Variants in NYAP2 observed in about 807,000 individuals in gnomAD.
NYAP2 encodes the protein neuronal tyrosine-phosphorylated phosphoinositide-3-kinase adaptor 2.
A neutral mutation model predicts 50.4 loss-of-function variants in NYAP2; 23 were observed. The observed-to-expected ratio is 0.46, with a 90% CI of 0.33 to 0.65. The LOEUF (loss-of-function observed/expected upper bound fraction) is 0.65. NYAP2 is among the 30% of genes least tolerant of loss of function. The pLI is 0.02. For synonymous variants in NYAP2, 394 were observed against 365.2 expected (o/e 1.08, Z -0.90); for missense variants, 885 against 861.0 (o/e 1.03, Z -0.35).
intron 4 of NYAP2, among the ~76,000 whole-genome samples, chr2:225,517,841 C>A (rs753457408): frequency 6.6e-6 from 1 of 152,082 alleles, no homozygotes; most frequent in African/African-American, 2.4e-5. Context: ...GAAAGATAAG[C>A]ACTAGAGAGG....
intron 4 of NYAP2, among the ~76,000 whole-genome samples, chr2:225,528,499 C>T (rs1199623307): frequency 6.6e-6 from 1 of 152,138 alleles, no homozygotes; most frequent in Non-Finnish European, 1.5e-5. Flanking sequence ...GTCCAGCAGT[C>T]CTCAGGCCAA....
intron 4 of NYAP2, among the ~76,000 whole-genome samples, chr2:225,521,804 G>C (rs1010091435): frequency 2.0e-5 from 3 of 151,998 alleles, no homozygotes; most frequent in Non-Finnish European, 2.9e-5. Context: ...GAGTTACGGA[G>C]GATTCCCTCT....
chr2:225,404,249 AG>A (rs1365385277), intron 2 of NYAP2, among the ~76,000 whole-genome samples: 5 of 151,946 alleles, frequency 3.3e-5, no homozygotes, highest in Non-Finnish European at 7.4e-5. Flanking sequence ...TTCAGAACTA[AG>A]GGTCACATAG....
Position 225,651,557 on chromosome 2 carries a change from C to T in NYAP2, c.1954C>T (p.Arg652Cys), listed in dbSNP as rs767234499. ...CCAGGTACCATCATCGTTAGCCAAT[C>T]GTGATTGACTTCCTGTGATACAACT... The change falls in exon 7 of 7, where the codon CGT (arginine) becomes TGT (cysteine). Residue 652 changes from arginine to cysteine, a missense_variant. By Grantham distance (180) the Arg-to-Cys change is radical. Coordinates refer to ENST00000636099, the Ensembl canonical transcript of NYAP2. 27 of 1,613,704 alleles carry T rather than the reference C, an allele frequency of 1.7e-5. No homozygotes were observed. The highest frequency in any genetic ancestry group is 2.2e-5 in the Non-Finnish European group (26 of 1,179,846).
intron 5 of NYAP2, among the ~76,000 whole-genome samples, chr2:225,609,127 T>C (rs1178512163): frequency 5.9e-5 from 9 of 152,124 alleles, no homozygotes. Context: ...TCCTACTAGA[T>C]TGCAAACCTA....
At chr2:225,572,864 T>TTAAGGTTTTCCATCCTTGTG (rs1692098902) in intron 4 of NYAP2, among the ~76,000 whole-genome samples, 3 of 152,194 alleles carry the variant, frequency 2.0e-5, no homozygotes, top group Non-Finnish European at 4.4e-5. Flanking sequence ...CTCCATGGTC[T>TTAAGGTTTTCCATCCTTGTG]TAAGGTTTTC....
At chr2:225,578,615 G>A (rs1692210023) in intron 4 of NYAP2, among the ~76,000 whole-genome samples, 1 of 152,196 alleles carries the variant, frequency 6.6e-6, no homozygotes, top group Admixed American at 6.5e-5. Context: ...TATGGGATAA[G>A]CATCGCCAGA....
chr2:225,559,565 AT>A (rs1277174153), intron 4 of NYAP2, among the ~76,000 whole-genome samples: 12 of 152,032 alleles, frequency 7.9e-5, no homozygotes, highest in Admixed American at 5.3e-4. Flanking sequence ...CTCCTCATGA[AT>A]TTTTGTAGGA....
At chr2:225,498,978 C>A (rs949808943) in intron 3 of NYAP2, among the ~76,000 whole-genome samples, 10 of 151,992 alleles carry the variant, frequency 6.6e-5, no homozygotes, top group African/African-American at 2.4e-4. Flanking sequence ...ATGCAGGTAA[C>A]CATGGAATAT....
chr2:225,497,704 A>G (rs929900883), intron 3 of NYAP2, among the ~76,000 whole-genome samples: 22 of 152,192 alleles, frequency 1.4e-4, no homozygotes, highest in Non-Finnish European at 2.2e-4. Context: ...TGAATTCTCT[A>G]GTGGTCACAC....
intron 4 of NYAP2, among the ~76,000 whole-genome samples, chr2:225,544,643 C>T (rs1289726596): frequency 1.3e-5 from 2 of 152,032 alleles, no homozygotes; most frequent in Non-Finnish European, 2.9e-5. Flanking sequence ...CCGTCTATGT[C>T]TTGAAAAGTT....
At chr2:225,677,834 C>A in the NYAP2 span, among the ~76,000 whole-genome samples, 1 of 151,962 alleles carries the variant, frequency 6.6e-6, no homozygotes. Flanking sequence ...TGTAGCGGTT[C>A]TTTGTGTCTA....
chr2:225,510,189 G>A lies in NYAP2; in HGVS notation c.222-3182G>A, dbSNP rs140827214. Among the ~76,000 whole-genome samples, 1,371 of 152,290 alleles carry A rather than the reference G, an allele frequency of 9.0e-3. 7 individuals are homozygous for A. Among genetic ancestry groups the A allele is most frequent in the Admixed American group, 0.022 (330 of 15,296 alleles). On this transcript the variant is annotated intron_variant, in intron 3 of 6. Coordinates refer to ENST00000636099, the Ensembl canonical transcript of NYAP2. ...TCATTAAAAAACATTAGGGATTGGG[G>A]ATTGTTTGTTACTGCAGGATAACCT...
chr2:225,510,136 A>G (rs999952682), intron 3 of NYAP2, among the ~76,000 whole-genome samples: 1 of 152,244 alleles, frequency 6.6e-6, no homozygotes, highest in Non-Finnish European at 1.5e-5. Context: ...GTTGATGTGC[A>G]TTCATACAAG....
At chr2:225,524,009 A>G (rs751478805) in intron 4 of NYAP2, among the ~76,000 whole-genome samples, 2 of 152,160 alleles carry the variant, frequency 1.3e-5, no homozygotes, top group Non-Finnish European at 2.9e-5. Context: ...TATGCAAAAG[A>G]ATGAAGCTTG....
At chr2:225,463,373 A>G (rs1689864584) in intron 3 of NYAP2, among the ~76,000 whole-genome samples, 1 of 152,260 alleles carries the variant, frequency 6.6e-6, no homozygotes, top group Admixed American at 6.5e-5. Context: ...TGATCAGTCA[A>G]TCAATCATGT....
At chr2:225,576,603 C>T (rs1559219191) in intron 4 of NYAP2, among the ~76,000 whole-genome samples, 1 of 152,130 alleles carries the variant, frequency 6.6e-6, no homozygotes, top group Admixed American at 6.5e-5. Flanking sequence ...ACATTATTTT[C>T]CTTCAATGGA....
chr2:225,565,384 A>G (rs1691944590), intron 4 of NYAP2, among the ~76,000 whole-genome samples: 1 of 152,170 alleles, frequency 6.6e-6, no homozygotes, highest in African/African-American at 2.4e-5. Flanking sequence ...ATCCATTTCT[A>G]TTACCTTCAC....
At chr2:225,537,762 A>T (rs903612845) in intron 4 of NYAP2, among the ~76,000 whole-genome samples, 2 of 152,216 alleles carry the variant, frequency 1.3e-5, no homozygotes, top group African/African-American at 4.8e-5. Context: ...AACTCATTTC[A>T]GTGTTAACTC....
Sources: gnomAD v4.1 joint callset for allele counts (sites outside exome capture counted in the v4.1 genomes callset) on GRCh38, gnomAD v4.1.1 for gene constraint, MANE v1.5 for transcripts, NCBI Gene and HGNC (gene_info 2026-07-23, HGNC 2026-07-21) for gene names.